BOC: variants seen among roughly 807,000 people sequenced by gnomAD.
BOC encodes brother of CDO.
BOC carries 76 observed loss-of-function variants against 112.0 expected under a neutral mutation model. That is an observed-to-expected ratio of 0.68 (90% CI 0.56 to 0.82). The LOEUF is 0.82. BOC is among the 40% of genes least tolerant of loss of function. The pLI, the probability that BOC is intolerant of heterozygous loss-of-function variation, is 0.00. For missense variants in BOC, 1,309 were observed against 1,511.7 expected (o/e 0.87, Z 2.22); for synonymous variants, 580 against 599.8 (o/e 0.97, Z 0.48).
chr3:113,283,573 T>C lies in BOC; in HGVS notation c.2597T>C (p.Ile866Thr), dbSNP rs751258490. Residue 866 changes from isoleucine to threonine, a missense_variant, in exon 16 of 20, where the codon ATC (isoleucine) becomes ACC (threonine). Physicochemically the swap from Ile to Thr is moderately conservative, Grantham distance 89 (BLOSUM62 -1). Coordinates refer to ENST00000682979, the MANE Select transcript of BOC (RefSeq NM_001378074.1). ...YLIVGVVLGS[I>T]VLIIVTFIPF... is the part of the protein sequence containing the mutation. Reference sequence around the variant, plus strand: ...ATTGTCGGGGTCGTCCTGGGCTCCATCGTTCTCATCATCGTCACCTTCATC... The same window carrying C: ...ATTGTCGGGGTCGTCCTGGGCTCCACCGTTCTCATCATCGTCACCTTCATC... The C allele has an allele frequency of 4.3e-6, 7 of 1,613,632 alleles. No individual in the cohort carries two copies. The highest frequency in any genetic ancestry group is 5.9e-6 in the Non-Finnish European group (7 of 1,179,950).
chr3:113,284,289 C>T (rs759599761), intron 16 of BOC, 46 bp from the exon 17 acceptor site: 41 of 1,543,168 alleles, frequency 2.7e-5, no homozygotes, highest in South Asian at 6.7e-5. Flanking sequence ...CAACCCATCC[C>T]GGGCTACCTT....
intron 2 of BOC, among the ~76,000 whole-genome samples, chr3:113,225,077 AAAAACAAAAACAAAAAC>A (rs1209484217): frequency 2.0e-5 from 3 of 152,066 alleles, no homozygotes; most frequent in East Asian, 1.9e-4. Context: ...ACTCCGTCTC[AAAAACAAAAACAAAAAC>A]AAAACAAAAA....
chr3:113,279,884 C>T lies in BOC; in HGVS notation c.2084C>T (p.Ala695Val), dbSNP rs139679816. 14 of 1,613,694 alleles carry T rather than the reference C, an allele frequency of 8.7e-6. No individual in the cohort carries two copies. The African/African-American group carries it at 1.5e-4, about 17-fold the overall frequency. Residue 695 changes from alanine (A) to valine (V), a missense_variant, in exon 13 of 20, where the codon GCC becomes GTC. Physicochemically the swap from Ala to Val is moderately conservative, Grantham distance 64. Coordinates refer to ENST00000682979, the MANE Select transcript of BOC (RefSeq NM_001378074.1). Reference sequence around the variant, plus strand: ...ATGCTGGGGGAGAGCGAGCCCAGCGCCCCCTCTCGGCCCTACGTGGTGTCG... The same window carrying T: ...ATGCTGGGGGAGAGCGAGCCCAGCGTCCCCTCTCGGCCCTACGTGGTGTCG... ...LNMLGESEPS[A>V]PSRPYVVSGY... is the part of the protein sequence containing the mutation.
chr3:113,286,650 T>C (rs376912117), intron 19 of BOC, 25 bp from the exon 20 acceptor site: 279 of 1,523,772 alleles, frequency 1.8e-4, no homozygotes, highest in Non-Finnish European at 2.3e-4. Flanking sequence ...TGGATTTTAA[T>C]GGTTCCTACT....
intron 2 of BOC, among the ~76,000 whole-genome samples, chr3:113,231,278 A>G (rs992407938): frequency 2.0e-5 from 3 of 152,228 alleles, no homozygotes; most frequent in African/African-American, 7.2e-5. Context: ...ATTTAAAGCT[A>G]AAAGGGCAAA....
At chr3:113,281,347 AC>A (rs1190720586) in intron 15 of BOC, among the ~76,000 whole-genome samples, 194 bp downstream of exon 15, 3 of 152,220 alleles carry the variant, frequency 2.0e-5, no homozygotes, top group African/African-American at 7.2e-5. Context: ...CCATGATGAC[AC>A]CTTCAAGGAA....
intron 5 of BOC, among the ~76,000 whole-genome samples, chr3:113,269,230 A>G (rs1219914181): frequency 1.3e-5 from 2 of 152,210 alleles, no homozygotes; most frequent in African/African-American, 2.4e-5. Context: ...TAGTAAATGC[A>G]GTTATCTCAG....
In BOC at chr3:113,278,667, A is replaced by G. The variant is rs1559881110; in HGVS notation, c.1706-6A>G. 3.9e-6 allele frequency: 6 copies of G among 1,555,210 alleles called. No individual in the cohort carries two copies. Among genetic ancestry groups the G allele is most frequent in the African/African-American group, 1.4e-5 (1 of 72,800 alleles). On this transcript the variant is annotated splice_region_variant and splice_polypyrimidine_tract_variant and intron_variant, in intron 10 of 19. Coordinates refer to ENST00000682979, the MANE Select transcript of BOC (RefSeq NM_001378074.1). This position sits in a 1 kb window ranked among gnomAD's most constrained non-coding sequence, Gnocchi z 4.2. ...CCCTTGCTGACTACAACCCATTTCC[A>G]CCCAGGACGGCGGCCCAAACCCGAG...
At chr3:113,259,925 CA>C (rs1946633958) in intron 4 of BOC, among the ~76,000 whole-genome samples, 1 of 152,232 alleles carries the variant, frequency 6.6e-6, no homozygotes, top group Admixed American at 6.5e-5. Context: ...TCTCCGTCCT[CA>C]GAAAGTTCCC....
At chr3:113,228,955 A>G (rs945450007) in intron 2 of BOC, among the ~76,000 whole-genome samples, 2 of 151,960 alleles carry the variant, frequency 1.3e-5, no homozygotes, top group Non-Finnish European at 2.9e-5. Context: ...TGCATGATGT[A>G]TGTGTGTGTG....
rs553240397 is a variant in BOC, at chr3:113,241,733, A to T, written c.-81-7989A>T. On this transcript the variant is annotated intron_variant, in intron 2 of 19. Transcript: ENST00000682979. ...CTGTTAGTGTTTCCCGGGGCAACAC[A>T]GCCCCCATATGGCAAGCATGCAGCA... Among the ~76,000 whole-genome samples, 26 of 152,348 alleles carry T rather than the reference A, an allele frequency of 1.7e-4. No homozygotes were observed. In the East Asian group the frequency reaches 4.8e-3, roughly 28 times the overall value.
At chr3:113,234,800 G>A (rs1412901408) in intron 2 of BOC, among the ~76,000 whole-genome samples, 2 of 152,180 alleles carry the variant, frequency 1.3e-5, no homozygotes, top group African/African-American at 4.8e-5. Context: ...CTGCACTTGG[G>A]AGCCATATCC....
rs567312302 is a variant in BOC, at chr3:113,285,273, GCT to G, written c.2967-96_2967-95del. 522 of 1,225,400 alleles carry G rather than the reference GCT, an allele frequency of 4.3e-4. 12 individuals carry two copies. In the South Asian group the frequency reaches 6.6e-3, roughly 15 times the overall value. The allele number at this position is 1,225,400 out of a possible 1,614,324, so 75.9% of individuals were successfully genotyped here. On this transcript the variant is annotated intron_variant, in intron 18 of 19. Coordinates refer to ENST00000682979, the MANE Select transcript of BOC (RefSeq NM_001378074.1). ...CCTTGCCCCATCTGAGCTCTCACCA[GCT>G]CTGATGCCCTCAGACAGGGAGACAG...
At chr3:113,284,265 T>C in intron 16 of BOC, 70 bp from the exon 17 acceptor site, 6 of 1,350,554 alleles carry the variant, frequency 4.4e-6, no homozygotes, top group Non-Finnish European at 6.3e-6. Flanking sequence ...CCTGAGATCC[T>C]TGTGGGGCTT....
Position 113,278,776 on chromosome 3 carries a change from C to T in BOC, c.1809C>T (p.Arg603=), listed in dbSNP as rs1280924518. Reference sequence around the variant, plus strand: ...GCAGCAGCCAGCCAGACCACGGCCGCCTCTCCCGTAAGCCGCTAGCAGCAG... The same window carrying T: ...GCAGCAGCCAGCCAGACCACGGCCGTCTCTCCCGTAAGCCGCTAGCAGCAG... ...PQSSSQPDHG[R]LSPPEAPDRP... The change falls in exon 11 of 20, where the codon CGC becomes CGT. Residue 603 remains arginine, a synonymous_variant. Coordinates refer to ENST00000682979, the MANE Select transcript of BOC (RefSeq NM_001378074.1). This position sits in a 1 kb window ranked among gnomAD's most constrained non-coding sequence, Gnocchi z 4.2. 2 of 1,555,152 alleles carry T rather than the reference C, an allele frequency of 1.3e-6. No individual in the cohort carries two copies. The highest frequency in any genetic ancestry group is 4.8e-5 in the East Asian group (2 of 41,244).
Position 113,278,178 on chromosome 3 carries a change from C to G in BOC, c.1626C>G (p.Pro542=). Reference sequence around the variant, plus strand: ...GCCTGACCCTCACCAGACTTGACCCCGGGAGCTTGTATGAAGTGGAGATGG... The same window carrying G: ...GCCTGACCCTCACCAGACTTGACCCGGGGAGCTTGTATGAAGTGGAGATGG... ...QHRLTLTRLD[P]GSLYEVEMAA... Residue 542 remains proline, a synonymous_variant, in exon 10 of 20, where the codon CCC becomes CCG. Transcript: ENST00000682979. The surrounding 1 kb of genome is among the most constrained non-coding windows in gnomAD (Gnocchi z 4.2). The G allele has an allele frequency of 6.2e-7, 1 of 1,614,200 alleles. No individual in the cohort carries two copies. Among genetic ancestry groups the G allele is most frequent in the South Asian group, 1.1e-5 (1 of 91,080 alleles).
At chr3:113,253,855 G>A (rs1945918483) in intron 4 of BOC, among the ~76,000 whole-genome samples, 1 of 152,182 alleles carries the variant, frequency 6.6e-6, no homozygotes, top group African/African-American at 2.4e-5. Flanking sequence ...TGCCCTTAAA[G>A]AGCAGCACTG....
intron 2 of BOC, among the ~76,000 whole-genome samples, chr3:113,230,567 C>T (rs977232353): frequency 2.6e-5 from 4 of 152,146 alleles, no homozygotes; most frequent in Admixed American, 2.0e-4. Flanking sequence ...AGAATACTAC[C>T]GACCTCATAT....
intron 17 of BOC, 61 bp downstream of exon 17, chr3:113,284,628 G>A (rs1949502306): frequency 3.2e-6 from 5 of 1,544,952 alleles, no homozygotes; most frequent in Non-Finnish European, 4.4e-6. Flanking sequence ...TGGCTGGGCT[G>A]CCTTGGGGGG....
Sources: gnomAD v4.1 joint callset for allele counts (sites outside exome capture counted in the v4.1 genomes callset) on GRCh38, gnomAD v4.1.1 for gene constraint, Gnocchi (gnomAD v3.1) non-coding constraint, MANE v1.5 for transcripts, NCBI Gene and HGNC (gene_info 2026-07-23, HGNC 2026-07-21) for gene names.